The following ALDH1A3 variants were observed in gnomAD, a reference collection of about 807,000 sequenced individuals.
ALDH1A3 encodes the protein aldehyde dehydrogenase 1 family member A3, also known as retinaldehyde dehydrogenase 3.
In ALDH1A3, 28 loss-of-function variants were observed where a neutral mutation model predicts 57.5. That is an observed-to-expected ratio of 0.49 (90% CI 0.36 to 0.67). ALDH1A3 has a LOEUF of 0.67. ALDH1A3 is among the 30% of genes least tolerant of loss of function. The probability of loss-of-function intolerance (pLI) is 0.00; values close to 1 mark genes in which losing one functional copy is unlikely to be tolerated. For missense variants in ALDH1A3, 507 were observed against 669.4 expected (o/e 0.76, Z 2.68); for synonymous variants, 281 against 264.8 (o/e 1.06, Z -0.59).
intron 11 of ALDH1A3, among the ~76,000 whole-genome samples, chr15:100,907,844 C>CTTTTTTTTTTTTTTTTTTTTTT (rs71151987): frequency 1.1e-4 from 9 of 81,910 alleles, no homozygotes; most frequent in South Asian, 5.9e-4. Context: ...TTCTTTCTTT[C>CTTTTTTTTTTTTTTTTTTTTTT]TTTTTTTTTT....
intron 9 of ALDH1A3, among the ~76,000 whole-genome samples, chr15:100,904,698 C>G (rs188865397): frequency 6.6e-6 from 1 of 152,174 alleles, no homozygotes; most frequent in East Asian, 1.9e-4. Flanking sequence ...CAAAAGGGTG[C>G]GCTTTTGACA....
intron 9 of ALDH1A3, among the ~76,000 whole-genome samples, chr15:100,904,442 A>T (rs1367523332): frequency 6.6e-6 from 1 of 152,232 alleles, no homozygotes; most frequent in Non-Finnish European, 1.5e-5. Flanking sequence ...CTGCTCCTCC[A>T]GGACAGACCG....
At chr15:100,905,479 G>A in intron 9 of ALDH1A3, 44 bp from the exon 10 acceptor site, 2 of 1,613,522 alleles carry the variant, frequency 1.2e-6, no homozygotes, top group Non-Finnish European at 1.7e-6. Flanking sequence ...GGCAGCCACT[G>A]CCCAGAAGGA....
Position 100,887,859 on chromosome 15 carries a change from A to G in ALDH1A3, c.345+147A>G. The G allele has an allele frequency of 3.9e-6, 4 of 1,023,040 alleles. No homozygotes were observed. Among genetic ancestry groups the G allele is most frequent in the Non-Finnish European group, 5.3e-6 (4 of 747,920 alleles). The allele number at this position is 1,023,040 out of a possible 1,614,324, so 63.4% of individuals were successfully genotyped here. A position where few individuals can be genotyped will look rare whatever the true frequency, so the allele number is the denominator to read the frequency against. ...TCCTCTGAGACACGGCTCTCTGGCA[A>G]TACTTGCAGGTGTTAATGCCTCTAG... On this transcript the variant is annotated intron_variant, in intron 3 of 12. Transcript: ENST00000329841. The surrounding 1 kb of genome is among the most constrained non-coding windows in gnomAD (Gnocchi z 4.6).
intron 12 of ALDH1A3, among the ~76,000 whole-genome samples, chr15:100,911,641 T>G (rs1190505298): frequency 6.6e-6 from 1 of 152,212 alleles, no homozygotes; most frequent in Non-Finnish European, 1.5e-5. Context: ...CTGGTGAGGT[T>G]TAACAGGAGT....
At chr15:100,904,735 G>A (rs922098517) in intron 9 of ALDH1A3, among the ~76,000 whole-genome samples, 3 of 152,224 alleles carry the variant, frequency 2.0e-5, no homozygotes, top group Non-Finnish European at 4.4e-5. Context: ...TTCACAAGCT[G>A]TGGGTCAGGC....
At chr15:100,896,906 G>T (rs1236547860) in intron 7 of ALDH1A3, among the ~76,000 whole-genome samples, 3 of 152,178 alleles carry the variant, frequency 2.0e-5, no homozygotes, top group Admixed American at 6.5e-5. Flanking sequence ...TGTAGAAGTA[G>T]AAATTATCTG....
At chr15:100,905,398 G>T in intron 9 of ALDH1A3, 125 bp from the exon 10 acceptor site, 1 of 1,232,628 alleles carries the variant, frequency 8.1e-7, no homozygotes, top group Middle Eastern at 2.1e-4. Flanking sequence ...TAGTTACATG[G>T]ATCATGGCTT....
intron 10 of ALDH1A3, among the ~76,000 whole-genome samples, chr15:100,905,996 C>G (rs576653150): frequency 6.6e-6 from 1 of 152,092 alleles, no homozygotes; most frequent in Non-Finnish European, 1.5e-5. Flanking sequence ...CTAACACAAC[C>G]GGTCCCCGAG....
At position 100,895,287 on chromosome 15, in the gene ALDH1A3, TA is replaced by T. The variant is rs1005337567; in HGVS notation, c.667-633del. The stretch of plus-strand genomic sequence containing the variant: ...AACACAGTGAAACCCCATCTCTACT[TA>T]AAAAAAAAAAAATTAGCCAGGCGTG... On this transcript the variant is annotated intron_variant, in intron 6 of 12. Coordinates refer to ENST00000329841, the MANE Select transcript of ALDH1A3 (RefSeq NM_000693.4). The T allele has an allele frequency of 2.8e-3, 401 of 142,562 alleles. 2 individuals carry two copies. The highest frequency in any genetic ancestry group is 7.1e-3 in the Middle Eastern group (2 of 282). The allele number at this position is 142,562 out of a possible 1,614,324, so 8.8% of individuals were successfully genotyped here. A position where few individuals can be genotyped will look rare whatever the true frequency, so the allele number is the denominator to read the frequency against.
At chr15:100,886,755 T>C (rs932886737) in intron 2 of ALDH1A3, among the ~76,000 whole-genome samples, 5 of 152,264 alleles carry the variant, frequency 3.3e-5, no homozygotes, top group Non-Finnish European at 5.9e-5. Flanking sequence ...GTGATTATTC[T>C]ATCAGTGCAC....
chr15:100,883,181 C>A (rs1258229039), intron 1 of ALDH1A3, among the ~76,000 whole-genome samples: 1 of 152,126 alleles, frequency 6.6e-6, no homozygotes, highest in East Asian at 1.9e-4. Flanking sequence ...GGAGTTGATA[C>A]CAGGAAGGAC....
chr15:100,886,564 G>C (rs1469226624), intron 2 of ALDH1A3, among the ~76,000 whole-genome samples: 1 of 152,134 alleles, frequency 6.6e-6, no homozygotes, highest in East Asian at 1.9e-4. Context: ...TGGACACACA[G>C]AGACTCGGTA....
rs2041698581 is a variant in ALDH1A3, at chr15:100,895,946, C to A, written c.680C>A (p.Pro227Gln). 3.1e-6 allele frequency: 5 copies of A among 1,613,124 alleles called. No homozygotes were observed. Among genetic ancestry groups the A allele is most frequent in the Non-Finnish European group, 4.2e-6 (5 of 1,179,572 alleles). The part of the protein sequence containing the change: ...GSLIKEAGFP[P>Q]GVVNIVPGFG... Reference sequence around the variant, plus strand: ...ATTTCTTCCCAGGCCGGGTTCCCTCCAGGAGTGGTGAACATTGTGCCAGGA... The same window carrying A: ...ATTTCTTCCCAGGCCGGGTTCCCTCAAGGAGTGGTGAACATTGTGCCAGGA... The change falls in exon 7 of 13, where the codon CCA (proline) becomes CAA (glutamine). Residue 227 changes from proline to glutamine, a missense_variant. By Grantham distance (76) the Pro-to-Gln change is moderately conservative (BLOSUM62 -1). Transcript: ENST00000329841.
At chr15:100,895,898 GTTC>G (rs1567170591) in intron 6 of ALDH1A3, 32 bp from the exon 7 acceptor site, 3 of 1,551,266 alleles carry the variant, frequency 1.9e-6, no homozygotes, top group South Asian at 1.2e-5. Context: ...GATGAAGTCC[GTTC>G]TTCTTCAAGT....
chr15:100,898,974 G>T (rs1028528400), intron 8 of ALDH1A3, among the ~76,000 whole-genome samples: 15 of 152,216 alleles, frequency 9.9e-5, no homozygotes, highest in African/African-American at 3.1e-4. Context: ...ACGGGTGCCA[G>T]AAATTCCTGT....
In ALDH1A3 at chr15:100,906,998, G is replaced by C; in HGVS notation, c.1234-123G>C. 9.1e-7 allele frequency: 1 copy of C among 1,103,054 alleles called. No homozygotes were observed. The highest frequency in any genetic ancestry group is 1.3e-6 in the Non-Finnish European group (1 of 790,920). 68.3% of individuals were successfully genotyped at this position (1,103,054 alleles called of 1,614,324 possible). On this transcript the variant is annotated intron_variant, in intron 10 of 12. Transcript: ENST00000329841. This position sits in a 1 kb window ranked among gnomAD's most constrained non-coding sequence, Gnocchi z 4.8. Reference sequence around the variant, plus strand: ...GGACGTTCTTTCTTCTCTAATCATCGTTTTTCAGGCATGTGTGTGCTCTGG... The same window carrying C: ...GGACGTTCTTTCTTCTCTAATCATCCTTTTTCAGGCATGTGTGTGCTCTGG...
intron 12 of ALDH1A3, among the ~76,000 whole-genome samples, chr15:100,909,105 T>G (rs1213270835): frequency 7.2e-6 from 1 of 139,320 alleles, no homozygotes; most frequent in Non-Finnish European, 1.5e-5. Context: ...TGCAAACCCC[T>G]CCGTGCGTGT....
intron 3 of ALDH1A3, among the ~76,000 whole-genome samples, chr15:100,891,191 C>T (rs1458923703): frequency 6.6e-6 from 1 of 152,246 alleles, no homozygotes; most frequent in Admixed American, 6.5e-5. Context: ...TGGACACTGA[C>T]TCCTTTCACT....
Sources: gnomAD v4.1 joint callset for allele counts (sites outside exome capture counted in the v4.1 genomes callset) on GRCh38, gnomAD v4.1.1 for gene constraint, Gnocchi (gnomAD v3.1) non-coding constraint, MANE v1.5 for transcripts, NCBI Gene and HGNC (gene_info 2026-07-23, HGNC 2026-07-21) for gene names.